Variants in MCM3AP observed in about 807,000 individuals in gnomAD.
The protein encoded by MCM3AP is germinal-center associated nuclear protein.
Under a neutral mutation model 184.1 loss-of-function variants are expected in MCM3AP, and 126 were observed. That is an observed-to-expected ratio of 0.68 (90% CI 0.59 to 0.79). The LOEUF is 0.79. Among genes scored for constraint, MCM3AP ranks in the 30% least tolerant of loss-of-function variants. The probability of loss-of-function intolerance (pLI) is 0.00; values close to 1 mark genes in which losing one functional copy is unlikely to be tolerated. For missense variants in MCM3AP, 2,496 were observed against 2,479.2 expected, an observed-to-expected ratio of 1.01 and a Z score of -0.14; for synonymous variants, 1,002 against 979.3, an observed-to-expected ratio of 1.02 and a Z score of -0.43.
chr21:46,255,042 C>G (rs2080927996), intron 17 of MCM3AP, among the ~76,000 whole-genome samples, 198 bp from the exon 18 acceptor site: 1 of 152,166 alleles, frequency 6.6e-6, no homozygotes, highest in Non-Finnish European at 1.5e-5. Context: ...AATAAACAGA[C>G]AAAATCCTGC....
At position 46,246,753 on chromosome 21, in the gene MCM3AP, T is replaced by C; in HGVS notation, c.4424A>G (p.Tyr1475Cys). 6.2e-7 allele frequency: 1 copy of C among 1,614,238 alleles called. No homozygotes were observed. ...GAGCTGCAGCAAGGCCGACAGCCAG[T>C]ACACGTCCTCCTCTGCCATGTCCTC... The part of the protein sequence containing the change: ...KSEDMAEEDV[Y>C]WLSALLQLKQ... Residue 1475 changes from tyrosine to cysteine, a missense_variant, in exon 21 of 28, where the codon TAC (tyrosine) becomes TGC (cysteine). This residue lies in a region of MCM3AP where 1,323 missense variants were observed against 1,273.4 expected (regional missense o/e 1.04). Transcript: ENST00000291688.
rs17182990 is a variant in MCM3AP at position 46,258,004 on chromosome 21, G to C, written c.3734+935C>G. ...GTCATTTATGGTACATTATCGCACT[G>C]ACCTCAAGACCACTGGCAACGGGGA... On this transcript the variant is annotated intron_variant, in intron 16 of 27. Transcript: ENST00000291688. 4.6e-3 allele frequency among the ~76,000 whole-genome samples: 699 copies of C among 151,810 alleles called. 27 individuals are homozygous for C. In the South Asian group the frequency reaches 0.08, roughly 17 times the overall value.
intron 23 of MCM3AP, among the ~76,000 whole-genome samples, chr21:46,243,963 G>T (rs1452177270): frequency 1.3e-5 from 2 of 152,318 alleles, no homozygotes; most frequent in East Asian, 3.9e-4. Flanking sequence ...GACTGTACAG[G>T]CCTGTGGTTG....
At chr21:46,285,916 G>C (rs796508763), upstream of MCM3AP, 1 of 152,610 alleles carries the variant, frequency 6.6e-6, no homozygotes, top group South Asian at 2.1e-4. Flanking sequence ...ACGAAGCTGA[G>C]GCCTCTCGGC....
At chr21:46,263,543 GGAGGCT>G (rs1488148933) in intron 13 of MCM3AP, among the ~76,000 whole-genome samples, 3 of 151,846 alleles carry the variant, frequency 2.0e-5, no homozygotes, top group Non-Finnish European at 4.4e-5. Context: ...CAGTACTTTA[GGAGGCT>G]GAGGCAGGTG....
chr21:46,249,667 C>T, intron 20 of MCM3AP: 7 of 435,976 alleles, frequency 1.6e-5, no homozygotes, highest in South Asian at 1.2e-4. Flanking sequence ...TAACATCCAA[C>T]AAGGGGCTGA....
At position 46,266,623 on chromosome 21, in the gene MCM3AP, C is replaced by T. The variant is rs141385098; in HGVS notation, c.2789+359G>A. The T allele has an allele frequency of 1.2e-4, 33 of 285,970 alleles. No individual in the cohort carries two copies. The East Asian group carries it at 2.7e-3, about 23-fold the overall frequency. The allele number at this position is 285,970 out of a possible 1,614,324, so 17.7% of individuals were successfully genotyped here. ...GACTGGTAAGTACCGGAGAAGACTCCGGCTGGCCTGCGGGTGCCTCCATCC... is the reference window on the plus strand; with the variant it reads ...GACTGGTAAGTACCGGAGAAGACTCTGGCTGGCCTGCGGGTGCCTCCATCC... On this transcript the variant is annotated intron_variant, in intron 10 of 27. Transcript: ENST00000291688.
chr21:46,268,956 T>TGAACCCA (rs1242368100), intron 9 of MCM3AP, among the ~76,000 whole-genome samples: 1 of 151,992 alleles, frequency 6.6e-6, no homozygotes, highest in African/African-American at 2.4e-5. Context: ...GAGAATCACT[T>TGAACCCA]GAACCCAGGA....
chr21:46,236,635 G>T (rs141331242), intron 27 of MCM3AP, among the ~76,000 whole-genome samples, 194 bp downstream of exon 27: 1 of 152,058 alleles, frequency 6.6e-6, no homozygotes, highest in Non-Finnish European at 1.5e-5. Context: ...CATTTATTTC[G>T]TAGGCAGAAA....
rs546947118 is a variant in MCM3AP, at chr21:46,258,818, A to G, written c.3734+121T>C. ...TAGTCTATTTTAGGTATTCATTGCTATAACATTTTCCCTCATCCTTTTACC... is the reference window on the plus strand; with the variant it reads ...TAGTCTATTTTAGGTATTCATTGCTGTAACATTTTCCCTCATCCTTTTACC... On this transcript the variant is annotated intron_variant, in intron 16 of 27. Transcript: ENST00000291688. 4.7e-5 allele frequency: 50 copies of G among 1,057,224 alleles called. 1 individual carries two copies. The highest frequency in any genetic ancestry group is 1.7e-4 in the East Asian group (7 of 41,986). 65.5% of individuals were successfully genotyped at this position (1,057,224 alleles called of 1,614,324 possible).
intron 16 of MCM3AP, among the ~76,000 whole-genome samples, chr21:46,257,800 C>T (rs933551725): frequency 3.3e-5 from 5 of 151,982 alleles, no homozygotes; most frequent in African/African-American, 1.2e-4. Context: ...TGGCGCACGC[C>T]TGTAGTCCCA....
At position 46,242,935 on chromosome 21, in the gene MCM3AP, A is replaced by G; in HGVS notation, c.5297-4T>C. ...TGACCATCTTCACTCAGCGCCTCTG[A>G]GAAAACAATACAAAAACAGATAAAG... is the stretch of plus-strand genomic sequence containing the variant. On this transcript the variant is annotated splice_region_variant and splice_polypyrimidine_tract_variant and intron_variant, in intron 24 of 27. Transcript: ENST00000291688. The G allele has an allele frequency of 6.2e-7, 1 of 1,603,618 alleles. No individual in the cohort carries two copies. The highest frequency in any genetic ancestry group is 8.5e-7 in the Non-Finnish European group (1 of 1,175,972).
chr21:46,240,936 G>C lies in MCM3AP; in HGVS notation c.5508C>G (p.Ser1836Arg). The C allele has an allele frequency of 6.2e-7, 1 of 1,614,170 alleles. No homozygotes were observed. The highest frequency in any genetic ancestry group is 8.5e-7 in the Non-Finnish European group (1 of 1,179,984). ...TCCTCCCCTCTTGAGCACACTCTGT[G>C]CTCCTCTTCCAGTTACGGTGCATGT... is the stretch of plus-strand genomic sequence containing the variant. ...LLHMHRNWKR[S>R]TECAQEGRIP... The change falls in exon 26 of 28, where the codon AGC becomes AGG. Residue 1836 changes from serine (S) to arginine (R), a missense_variant. By Grantham distance (110) the Ser-to-Arg change is moderately radical (BLOSUM62 -1). This residue lies in a region of MCM3AP where 1,323 missense variants were observed against 1,273.4 expected (regional missense o/e 1.04). Transcript: ENST00000291688.
In MCM3AP at chr21:46,284,693, T is replaced by C. The variant is rs1388423723; in HGVS notation, c.594A>G (p.Thr198=). Residue 198 remains threonine, a synonymous_variant, in exon 1 of 28, where the codon ACA becomes ACG. Transcript: ENST00000291688. ...GLAPFSFPQV[T]SSSATTSNFT... ...AATTTGAAGTGGTAGCTGAACTACT[T>C]GTTACTTGAGGAAAAGAGAAAGGGG... 4 of 1,614,122 alleles carry C rather than the reference T, an allele frequency of 2.5e-6. No individual in the cohort carries two copies. In the Admixed American group the frequency reaches 6.7e-5, roughly 27 times the overall value.
chr21:46,249,362 A>AT (rs1157287795), intron 20 of MCM3AP, among the ~76,000 whole-genome samples: 3 of 152,010 alleles, frequency 2.0e-5, no homozygotes, highest in Non-Finnish European at 2.9e-5. Context: ...TAATTTTTGT[A>AT]TTTTTTATAG....
At chr21:46,237,032 ATT>A (rs2080545253) in intron 26 of MCM3AP, 53 bp from the exon 27 acceptor site, 1 of 1,128,730 alleles carries the variant, frequency 8.9e-7, no homozygotes, top group African/African-American at 1.6e-5. Context: ...GAAGTTAACT[ATT>A]GTTCATTAAT....
chr21:46,285,217 T>A lies in MCM3AP; in HGVS notation c.70A>T (p.Thr24Ser). The change falls in exon 1 of 28, where the codon ACA becomes TCA. Residue 24 changes from threonine to serine, a missense_variant. Coordinates refer to ENST00000291688, the MANE Select transcript of MCM3AP (RefSeq NM_003906.5). ...CGAAATGGCGGCTTAGATGGAAGTG[T>A]TCCTACATTACTAGAAGACGCCGAA... ...AFSASSSNVGTLPSKPPFRFG... is the reference protein window; with the variant it reads ...AFSASSSNVGSLPSKPPFRFG... The A allele has an allele frequency of 6.2e-7, 1 of 1,614,222 alleles. No homozygotes were observed. The highest frequency in any genetic ancestry group is 1.1e-5 in the South Asian group (1 of 91,086).
chr21:46,267,727 A>AT (rs2081131477), intron 9 of MCM3AP: 1 of 151,606 alleles, frequency 6.6e-6, no homozygotes, highest in Admixed American at 6.6e-5. Flanking sequence ...CCTATTCTCT[A>AT]TAAAAAAAAA....
intron 3 of MCM3AP, 102 bp downstream of exon 3, chr21:46,280,395 T>C: frequency 3.2e-6 from 3 of 944,670 alleles, no homozygotes; most frequent in Non-Finnish European, 4.8e-6. Flanking sequence ...GGCTCATGCC[T>C]GTAATCCCAA....
Sources: gnomAD v4.1 joint callset for allele counts (sites outside exome capture counted in the v4.1 genomes callset) on GRCh38, gnomAD v4.1.1 for gene constraint, gnomAD v4.1.1 regional missense constraint, MANE v1.5 for transcripts, NCBI Gene and HGNC (gene_info 2026-07-23, HGNC 2026-07-21) for gene names.